The following ROR1 variants were observed in gnomAD, a reference collection of about 807,000 sequenced individuals.
The protein encoded by ROR1 is ROR family WNT receptor 1.
Under a neutral mutation model 78.8 loss-of-function variants are expected in ROR1, and 19 were observed. The ratio of observed to expected loss-of-function variants is 0.24; its 90% CI spans 0.17 to 0.35. ROR1 has a LOEUF of 0.35. ROR1 is among the 10% of genes least tolerant of loss of function. The pLI is 1.00. For synonymous variants in ROR1, 386 were observed against 433.6 expected, an observed-to-expected ratio of 0.89 and a Z score of 1.36; for missense variants, 917 against 1,177.8, an observed-to-expected ratio of 0.78 and a Z score of 3.24.
chr1:63,882,367 G>A (rs1645328948), intron 1 of ROR1, among the ~76,000 whole-genome samples: 2 of 152,134 alleles, frequency 1.3e-5, no homozygotes, highest in African/African-American at 4.8e-5. Context: ...GGCACTGATG[G>A]CAGGCACCCT....
chr1:64,023,601 T>C (rs949559099), intron 2 of ROR1, among the ~76,000 whole-genome samples: 3 of 152,108 alleles, frequency 2.0e-5, no homozygotes, highest in Non-Finnish European at 4.4e-5. Flanking sequence ...TTGTAGAAAA[T>C]CTAGAAAGTA....
chr1:64,081,098 C>T (rs1647097837), intron 4 of ROR1, among the ~76,000 whole-genome samples: 1 of 152,152 alleles, frequency 6.6e-6, no homozygotes, highest in African/African-American at 2.4e-5. Context: ...AGGAAAGCCT[C>T]CCTTACTACA....
At chr1:64,002,391 T>C (rs753834332) in intron 1 of ROR1, among the ~76,000 whole-genome samples, 55 of 152,188 alleles carry the variant, frequency 3.6e-4, no homozygotes, top group Non-Finnish European at 7.1e-4. Flanking sequence ...CCTAAAGTGC[T>C]GGGATTACAG....
intron 1 of ROR1, among the ~76,000 whole-genome samples, chr1:63,983,591 G>T (rs980260841): frequency 1.3e-5 from 2 of 152,186 alleles, no homozygotes; most frequent in African/African-American, 4.8e-5. Flanking sequence ...CGGTAAGGCA[G>T]GAGTGTGGCT....
At chr1:64,006,921 TAGTC>T (rs1204151489) in intron 1 of ROR1, among the ~76,000 whole-genome samples, 1 of 152,152 alleles carries the variant, frequency 6.6e-6, no homozygotes, top group Admixed American at 6.5e-5. Context: ...TGTTCAAGCT[TAGTC>T]AGTGACGATG....
At chr1:63,942,453 T>C (rs1481936102) in intron 1 of ROR1, among the ~76,000 whole-genome samples, 1 of 152,162 alleles carries the variant, frequency 6.6e-6, no homozygotes. Context: ...TTCATATTTG[T>C]GATGACTTAT....
intron 2 of ROR1, among the ~76,000 whole-genome samples, chr1:64,013,206 G>A (rs1271362856): frequency 6.6e-6 from 1 of 152,156 alleles, no homozygotes; most frequent in African/African-American, 2.4e-5. Flanking sequence ...CTTTGGGCTT[G>A]ATATTAAAAT....
intron 1 of ROR1, among the ~76,000 whole-genome samples, chr1:63,970,381 A>G (rs80238907): frequency 0.025 from 3,853 of 152,334 alleles, 166 homozygotes; most frequent in African/African-American, 0.088. Context: ...TGATTAAAAG[A>G]TAAATTTTTG....
At chr1:63,899,918 A>G (rs1275124924) in intron 1 of ROR1, among the ~76,000 whole-genome samples, 3 of 152,016 alleles carry the variant, frequency 2.0e-5, no homozygotes, top group South Asian at 2.1e-4. Flanking sequence ...AATGACTTAA[A>G]TATCCGAACA....
At chr1:64,170,566 T>C (rs1326981248) in intron 8 of ROR1, among the ~76,000 whole-genome samples, 1 of 152,192 alleles carries the variant, frequency 6.6e-6, no homozygotes, top group Non-Finnish European at 1.5e-5. Context: ...CCCCATTATC[T>C]TGGTGATTAA....
chr1:64,116,466 T>C (rs1393732358), intron 4 of ROR1, among the ~76,000 whole-genome samples: 1 of 152,178 alleles, frequency 6.6e-6, no homozygotes, highest in African/African-American at 2.4e-5. Flanking sequence ...CCTTTTTAAA[T>C]GAGTATTACC....
chr1:64,055,522 G>A lies in ROR1; in HGVS notation c.482+4806G>A, dbSNP rs956443128. Among the ~76,000 whole-genome samples the A allele has an allele frequency of 6.6e-5, 10 of 152,178 alleles. 1 individual carries two copies. The highest frequency in any genetic ancestry group is 5.9e-4 in the Admixed American group (9 of 15,274). On this transcript the variant is annotated intron_variant, in intron 4 of 8. Transcript: ENST00000371079. The stretch of plus-strand genomic sequence containing the variant: ...CAAGACATGTAGAGAAATGTTCCCT[G>A]GGCCAGAACAGTGCTGGTCACAAAA...
At chr1:64,177,307 C>T in intron 8 of ROR1, 121 bp from the exon 9 acceptor site, 2 of 759,518 alleles carry the variant, frequency 2.6e-6, no homozygotes, top group Non-Finnish European at 4.4e-6. Context: ...TATAGACCTA[C>T]AATATTTTAT....
At chr1:64,102,941 C>T (rs1030923375) in intron 4 of ROR1, among the ~76,000 whole-genome samples, 1 of 152,116 alleles carries the variant, frequency 6.6e-6, no homozygotes, top group Non-Finnish European at 1.5e-5. Flanking sequence ...CCAGCTGTCC[C>T]CTGGGATGAC....
chr1:64,021,628 C>T (rs1288134808), intron 2 of ROR1, among the ~76,000 whole-genome samples: 3 of 152,154 alleles, frequency 2.0e-5, no homozygotes, highest in African/African-American at 7.2e-5. Flanking sequence ...CAAATCCAGG[C>T]TTTCCTGGCT....
intron 1 of ROR1, among the ~76,000 whole-genome samples, chr1:63,958,074 A>C (rs1372153452): frequency 6.6e-6 from 1 of 152,114 alleles, no homozygotes; most frequent in Non-Finnish European, 1.5e-5. Context: ...CCATTGCAGC[A>C]CTTACCACAA....
chr1:64,052,869 A>G (rs1411286098), intron 4 of ROR1, among the ~76,000 whole-genome samples: 1 of 151,180 alleles, frequency 6.6e-6, no homozygotes, highest in Non-Finnish European at 1.5e-5. Context: ...TTTCCCAGTG[A>G]TGCATCCTGC....
intron 1 of ROR1, chr1:63,843,133 A>AGGCCCCG (rs1645059369): frequency 1.3e-6 from 1 of 752,258 alleles, no homozygotes; most frequent in Non-Finnish European, 2.3e-6. Flanking sequence ...GACGGCCTGC[A>AGGCCCCG]ACCCCCGAGG....
intron 2 of ROR1, among the ~76,000 whole-genome samples, chr1:64,033,950 T>C (rs1183237615): frequency 6.6e-6 from 1 of 152,200 alleles, no homozygotes; most frequent in East Asian, 1.9e-4. Context: ...TCCACCCATC[T>C]CTTTACTGTG....
Sources: gnomAD v4.1 joint callset for allele counts (sites outside exome capture counted in the v4.1 genomes callset) on GRCh38, gnomAD v4.1.1 for gene constraint, MANE v1.5 for transcripts, NCBI Gene and HGNC (gene_info 2026-07-23, HGNC 2026-07-21) for gene names.